Variants in ERC2 observed in about 807,000 individuals in gnomAD.
ERC2 encodes ELKS/RAB6-interacting/CAST family member 2.
ERC2 carries 42 observed loss-of-function variants against 114.8 expected under a neutral mutation model. That is an observed-to-expected ratio of 0.37 (90% CI 0.29 to 0.47). The LOEUF is 0.47. Among genes scored for constraint, ERC2 ranks in the 20% least tolerant of loss-of-function variants. The pLI, the probability that ERC2 is intolerant of heterozygous loss-of-function variation, is 0.99. For missense variants in ERC2, 939 were observed against 1,150.7 expected (o/e 0.82, Z 2.66); for synonymous variants, 454 against 425.5 (o/e 1.07, Z -0.82).
At chr3:55,944,939 C>G (rs1008877583) in intron 13 of ERC2, among the ~76,000 whole-genome samples, 25 of 152,174 alleles carry the variant, frequency 1.6e-4, no homozygotes, top group Admixed American at 2.0e-4. Context: ...AAACCATGAA[C>G]AGAGTCTGAA....
At chr3:55,546,467 C>A (rs1378706887) in intron 17 of ERC2, among the ~76,000 whole-genome samples, 2 of 152,178 alleles carry the variant, frequency 1.3e-5, no homozygotes, top group African/African-American at 4.8e-5. Context: ...AGCCTCATTT[C>A]CTTGTTTATC....
chr3:55,826,598 A>G (rs1480299430), intron 14 of ERC2, among the ~76,000 whole-genome samples: 1 of 152,222 alleles, frequency 6.6e-6, no homozygotes, highest in Non-Finnish European at 1.5e-5. Flanking sequence ...ATTTCCATTC[A>G]TTGTTTACTG....
At chr3:55,581,626 A>G (rs2057267051) in intron 17 of ERC2, among the ~76,000 whole-genome samples, 1 of 152,176 alleles carries the variant, frequency 6.6e-6, no homozygotes, top group African/African-American at 2.4e-5. Flanking sequence ...TTATACCTCC[A>G]ATTCATGGAC....
At chr3:56,099,437 C>T (rs183679359) in intron 6 of ERC2, among the ~76,000 whole-genome samples, 12 of 152,264 alleles carry the variant, frequency 7.9e-5, no homozygotes, top group East Asian at 7.7e-4. Context: ...AATGAAACAC[C>T]GTCCCTGCAT....
Position 55,645,462 on chromosome 3 carries a change from T to G in ERC2, c.*39+38332A>C, listed in dbSNP as rs1389012883. On this transcript the variant is annotated intron_variant, in intron 17 of 17. Coordinates refer to ENST00000288221, the MANE Select transcript of ERC2 (RefSeq NM_015576.3). ...TCATCATGCTTATTGGCTTTTCTTT[T>G]TAATTGATAACAAGTTATCTTCTTT... Among the ~76,000 whole-genome samples, 5 of 152,240 alleles carry G rather than the reference T, an allele frequency of 3.3e-5. No homozygotes were observed. The East Asian group carries it at 9.6e-4, about 29-fold the overall frequency.
Position 55,810,321 on chromosome 3 carries a change from C to T in ERC2, c.2565-75403G>A, listed in dbSNP as rs111409074. On this transcript the variant is annotated intron_variant, in intron 14 of 17. Coordinates refer to ENST00000288221, the MANE Select transcript of ERC2 (RefSeq NM_015576.3). ...TAAATATCCCTCCAAATATTTCTAT[C>T]TTTTTCTCTCATGTCTTATTCCCCT... is the stretch of plus-strand genomic sequence containing the variant. Among the ~76,000 whole-genome samples the T allele has an allele frequency of 4.9e-3, 744 of 152,166 alleles. 6 individuals are homozygous for T. The highest frequency in any genetic ancestry group is 0.017 in the African/African-American group (704 of 41,520).
At position 55,950,546 on chromosome 3, in the gene ERC2, T is replaced by C; in HGVS notation, c.2282A>G (p.Gln761Arg). 1 of 1,614,048 alleles carries C rather than the reference T, an allele frequency of 6.2e-7. No individual in the cohort carries two copies. The highest frequency in any genetic ancestry group is 8.5e-7 in the Non-Finnish European group (1 of 1,179,896). ...ESLTLRHMKD[Q>R]NKKVANLKHN... ...CTTGAGGTTGGCCACCTTCTTATTC[T>C]GATCTTTCATATGCCTGAGAAAAGT... The change falls in exon 13 of 18, where the codon CAG becomes CGG. Residue 761 changes from glutamine (Q) to arginine (R), a missense_variant. Transcript: ENST00000288221.
chr3:56,098,855 A>G (rs1340879769), intron 6 of ERC2, among the ~76,000 whole-genome samples: 1 of 152,186 alleles, frequency 6.6e-6, no homozygotes. Context: ...TCACAGGTAC[A>G]TGCATGGCTG....
intron 3 of ERC2, among the ~76,000 whole-genome samples, chr3:56,266,438 G>C (rs1163298189): frequency 1.3e-5 from 2 of 151,968 alleles, no homozygotes; most frequent in Non-Finnish European, 2.9e-5. Context: ...CAAATAACCA[G>C]ATTTTTAAAT....
At chr3:55,816,730 A>G (rs2059916107) in intron 14 of ERC2, among the ~76,000 whole-genome samples, 1 of 152,140 alleles carries the variant, frequency 6.6e-6, no homozygotes, top group South Asian at 2.1e-4. Context: ...AAATTGGGTT[A>G]TTCTACAGAA....
At chr3:56,375,970 T>C (rs2059526163) in intron 2 of ERC2, among the ~76,000 whole-genome samples, 1 of 152,138 alleles carries the variant, frequency 6.6e-6, no homozygotes, top group Admixed American at 6.5e-5. Flanking sequence ...CATGAGAAAC[T>C]GATGCCCTCA....
intron 12 of ERC2, among the ~76,000 whole-genome samples, chr3:55,953,452 G>A (rs546346392): frequency 6.6e-6 from 1 of 152,264 alleles, no homozygotes; most frequent in African/African-American, 2.4e-5. Flanking sequence ...TACATATAGT[G>A]TCCACACTCT....
intron 3 of ERC2, among the ~76,000 whole-genome samples, chr3:56,223,472 A>C (rs2050049656): frequency 3.3e-5 from 5 of 151,370 alleles, no homozygotes; most frequent in Admixed American, 2.0e-4. Flanking sequence ...AGAGAGGATG[A>C]ATTAATAAAA....
chr3:55,978,147 A>C (rs757909384), intron 12 of ERC2, among the ~76,000 whole-genome samples: 10 of 152,202 alleles, frequency 6.6e-5, no homozygotes, highest in Non-Finnish European at 1.2e-4. Flanking sequence ...TAAGGAACAC[A>C]CTTAAATACT....
At chr3:55,936,726 G>C (rs2066467999) in intron 13 of ERC2, among the ~76,000 whole-genome samples, 2 of 152,112 alleles carry the variant, frequency 1.3e-5, no homozygotes. Flanking sequence ...GACAACAGGG[G>C]GTCCCAAAGA....
In ERC2 at chr3:55,833,350, A is replaced by C. The variant is rs1227389553; in HGVS notation, c.2564+55039T>G. ...AAATGAAGGAAAAAATATTAAGGGC[A>C]GCCAGAGAGAAAGGTCGGGTTACCC... On this transcript the variant is annotated intron_variant, in intron 14 of 17. Coordinates refer to ENST00000288221, the MANE Select transcript of ERC2 (RefSeq NM_015576.3). 2.0e-5 allele frequency among the ~76,000 whole-genome samples: 3 copies of C among 151,368 alleles called. No individual in the cohort carries two copies. The East Asian group carries it at 5.8e-4, about 29-fold the overall frequency.
intron 3 of ERC2, among the ~76,000 whole-genome samples, chr3:56,281,074 C>T (rs1379077544): frequency 6.6e-6 from 1 of 152,180 alleles, no homozygotes; most frequent in African/African-American, 2.4e-5. Flanking sequence ...AAAGCTGTAA[C>T]AAATTGTAAT....
rs7611899 is a variant in ERC2 at position 55,531,502 on chromosome 3, T to C, written c.*40-20226A>G. ...TGTGCATTTGTGTCCTTGCTGCCATTTTTCATGCTAATGACTCCTGACTTC... is the reference window on the plus strand; with the variant it reads ...TGTGCATTTGTGTCCTTGCTGCCATCTTTCATGCTAATGACTCCTGACTTC... On this transcript the variant is annotated intron_variant, in intron 17 of 17. Coordinates refer to ENST00000288221, the MANE Select transcript of ERC2 (RefSeq NM_015576.3). Among the ~76,000 whole-genome samples, 1,423 of 152,268 alleles carry C rather than the reference T, an allele frequency of 9.3e-3. 28 individuals carry two copies. The highest frequency in any genetic ancestry group is 0.033 in the African/African-American group (1,352 of 41,548).
intron 3 of ERC2, among the ~76,000 whole-genome samples, chr3:56,226,210 G>A (rs1467196931): frequency 6.6e-6 from 1 of 152,050 alleles, no homozygotes; most frequent in East Asian, 1.9e-4. Flanking sequence ...AGTCTCATTT[G>A]GTAACTTAGA....
Sources: gnomAD v4.1 joint callset for allele counts (sites outside exome capture counted in the v4.1 genomes callset) on GRCh38, gnomAD v4.1.1 for gene constraint, MANE v1.5 for transcripts, NCBI Gene and HGNC (gene_info 2026-07-23, HGNC 2026-07-21) for gene names.